ZMYM2: variants seen among roughly 807,000 people sequenced by gnomAD.
ZMYM2 encodes zinc finger MYM-type containing 2.
Under a neutral mutation model 162.8 loss-of-function variants are expected in ZMYM2, and 56 were observed. The observed-to-expected ratio is 0.34, with a 90% CI of 0.28 to 0.43. ZMYM2 has a LOEUF of 0.43. ZMYM2 is among the 20% of genes least tolerant of loss of function. The pLI, the probability that ZMYM2 is intolerant of heterozygous loss-of-function variation, is 1.00. For missense variants in ZMYM2, 1,275 were observed against 1,621.8 expected (o/e 0.79, Z 3.67); for synonymous variants, 510 against 541.6 (o/e 0.94, Z 0.81).
chr13:20,080,051 C>G (rs1354563289), intron 21 of ZMYM2, among the ~76,000 whole-genome samples: 2 of 152,130 alleles, frequency 1.3e-5, no homozygotes, highest in African/African-American at 4.8e-5. Context: ...CGTTAAATAG[C>G]TGGAATCATG....
At chr13:19,884,750 TACAGCTCTTCA>T in the ZMYM2 span, among the ~76,000 whole-genome samples, 2 of 152,100 alleles carry the variant, frequency 1.3e-5, no homozygotes, top group Admixed American at 6.6e-5. Flanking sequence ...CGATAAATGT[TACAGCTCTTCA>T]ACATAGTGCC....
At chr13:19,868,590 C>T in the ZMYM2 span, among the ~76,000 whole-genome samples, 1 of 152,088 alleles carries the variant, frequency 6.6e-6, no homozygotes, top group Non-Finnish European at 1.5e-5. Flanking sequence ...TGTTTATAGG[C>T]TTTTCAGGGA....
the ZMYM2 span, among the ~76,000 whole-genome samples, chr13:19,868,960 A>G: frequency 6.6e-6 from 1 of 152,150 alleles, no homozygotes; most frequent in Non-Finnish European, 1.5e-5. Flanking sequence ...CACATTGCCC[A>G]GGCTGGTCTT....
At chr13:20,044,306 G>A (rs369434256) in intron 12 of ZMYM2, among the ~76,000 whole-genome samples, 1 of 152,200 alleles carries the variant, frequency 6.6e-6, no homozygotes, top group Non-Finnish European at 1.5e-5. Context: ...AGATTCCAGA[G>A]GCCTGTGCCC....
chr13:19,882,239 A>G, the ZMYM2 span, among the ~76,000 whole-genome samples: 15 of 152,138 alleles, frequency 9.9e-5, no homozygotes, highest in African/African-American at 3.4e-4. Flanking sequence ...TGAAAAGACA[A>G]CCTTCATAAT....
At chr13:20,006,694 A>C (rs1950770652) in intron 6 of ZMYM2, 108 bp downstream of exon 6, 1 of 1,100,442 alleles carries the variant, frequency 9.1e-7, no homozygotes, top group African/African-American at 1.6e-5. Context: ...TTAGAATTTC[A>C]TTTAATTCCA....
intron 18 of ZMYM2, among the ~76,000 whole-genome samples, chr13:20,063,508 C>T (rs1018993438): frequency 6.6e-6 from 1 of 150,664 alleles, no homozygotes; most frequent in Non-Finnish European, 1.5e-5. Context: ...CATCTGGGTG[C>T]GGTGGCTTAT....
chr13:20,061,375 A>G (rs558911755), intron 17 of ZMYM2, among the ~76,000 whole-genome samples, 151 bp downstream of exon 17: 18 of 152,248 alleles, frequency 1.2e-4, no homozygotes, highest in African/African-American at 4.1e-4. Flanking sequence ...ATATTAAGAG[A>G]TCTACACTGT....
intron 5 of ZMYM2, 68 bp downstream of exon 5, chr13:20,005,307 TATTA>T (rs1412537031): frequency 8.5e-7 from 1 of 1,178,950 alleles, no homozygotes; most frequent in Admixed American, 3.3e-5. Context: ...ATTTAAGAAC[TATTA>T]GATAATCTTT....
intron 24 of ZMYM2, among the ~76,000 whole-genome samples, chr13:20,084,200 A>C (rs1190314769): frequency 6.6e-6 from 1 of 152,118 alleles, no homozygotes; most frequent in Admixed American, 6.6e-5. Context: ...TTTTGTAGAG[A>C]CAGGATCTCA....
At chr13:20,052,561 G>A (rs1386237893) in intron 14 of ZMYM2, among the ~76,000 whole-genome samples, 2 of 152,006 alleles carry the variant, frequency 1.3e-5, no homozygotes, top group South Asian at 4.2e-4. Flanking sequence ...TTGAGTTGAC[G>A]GATGTTTCCA....
chr13:20,045,269 T>C (rs1463450871), intron 12 of ZMYM2, among the ~76,000 whole-genome samples: 1 of 152,098 alleles, frequency 6.6e-6, no homozygotes, highest in Non-Finnish European at 1.5e-5. Context: ...ACTAGCATAT[T>C]GTAAATAAAA....
chr13:19,910,889 C>T, the ZMYM2 span, among the ~76,000 whole-genome samples: 5 of 152,138 alleles, frequency 3.3e-5, no homozygotes, highest in Non-Finnish European at 5.9e-5. Context: ...CCTGTGGTGT[C>T]GGCAAGTTAA....
At chr13:20,064,598 A>T in intron 19 of ZMYM2, 53 bp downstream of exon 19, 2 of 1,379,862 alleles carry the variant, frequency 1.4e-6, no homozygotes, top group Non-Finnish European at 1.9e-6. Flanking sequence ...GCAAACAAGG[A>T]TACAGTGTTC....
chr13:19,930,358 G>T, the ZMYM2 span, among the ~76,000 whole-genome samples: 1 of 151,958 alleles, frequency 6.6e-6, no homozygotes, highest in East Asian at 2.0e-4. Flanking sequence ...CTGAGATCAC[G>T]CCACTGCACT....
chr13:20,050,307 A>T (rs1418900497), intron 12 of ZMYM2, among the ~76,000 whole-genome samples: 12 of 152,028 alleles, frequency 7.9e-5, no homozygotes, highest in Non-Finnish European at 1.5e-4. Context: ...ATTTGTTAAC[A>T]TTCCTGACCA....
At chr13:20,058,346 T>C (rs1436606449) in intron 14 of ZMYM2, among the ~76,000 whole-genome samples, 2 of 152,206 alleles carry the variant, frequency 1.3e-5, no homozygotes, top group Non-Finnish European at 2.9e-5. Flanking sequence ...TTGAAGGTGA[T>C]ATAAATCTAT....
At chr13:20,054,078 A>G (rs1431329921) in intron 14 of ZMYM2, among the ~76,000 whole-genome samples, 1 of 152,230 alleles carries the variant, frequency 6.6e-6, no homozygotes, top group East Asian at 1.9e-4. Flanking sequence ...TAAGGCTGCC[A>G]TTGCAGCTGT....
At chr13:20,050,556 G>C (rs1258432208) in intron 12 of ZMYM2, among the ~76,000 whole-genome samples, 1 of 151,858 alleles carries the variant, frequency 6.6e-6, no homozygotes, top group Non-Finnish European at 1.5e-5. Context: ...ATTATGAAAA[G>C]AACTGTATTT....
Sources: gnomAD v4.1 joint callset for allele counts (sites outside exome capture counted in the v4.1 genomes callset) on GRCh38, gnomAD v4.1.1 for gene constraint, MANE v1.5 for transcripts, NCBI Gene and HGNC (gene_info 2026-07-23, HGNC 2026-07-21) for gene names.